ZNF521: variants seen among roughly 807,000 people sequenced by gnomAD.
The protein encoded by ZNF521 is LYST-interacting protein 3.
Under a neutral mutation model 105.5 loss-of-function variants are expected in ZNF521, and 14 were observed. The ratio of observed to expected loss-of-function variants is 0.13; its 90% confidence interval spans 0.09 to 0.21. The LOEUF (loss-of-function observed/expected upper bound fraction) is 0.21. ZNF521 is among the 10% of genes least tolerant of loss of function. The pLI is 1.00. For synonymous variants in ZNF521, 635 were observed against 606.0 expected (o/e 1.05, Z -0.70); for missense variants, 1,233 against 1,629.7 (o/e 0.76, Z 4.19).
chr18:25,117,018 CATATAT>C (rs199539757), intron 5 of ZNF521, among the ~76,000 whole-genome samples: 2 of 138,044 alleles, frequency 1.4e-5, no homozygotes, highest in Non-Finnish European at 3.1e-5. Context: ...CACACACACA[CATATAT>C]ATATACATAC....
chr18:25,205,630 A>G (rs1199500752), intron 4 of ZNF521, among the ~76,000 whole-genome samples: 1 of 152,194 alleles, frequency 6.6e-6, no homozygotes, highest in African/African-American at 2.4e-5. Flanking sequence ...ATCAAATCAC[A>G]TCACATGCCC....
intron 3 of ZNF521, among the ~76,000 whole-genome samples, chr18:25,244,786 G>T (rs1411940539): frequency 6.6e-6 from 1 of 152,208 alleles, no homozygotes; most frequent in Non-Finnish European, 1.5e-5. Context: ...GTGACTGCAA[G>T]CACTGCTGTT....
At position 25,289,151 on chromosome 18, in the gene ZNF521, T is replaced by C. The variant is rs550993667; in HGVS notation, c.220+32857A>G. Among the ~76,000 whole-genome samples, 58 of 152,306 alleles carry C rather than the reference T, an allele frequency of 3.8e-4. 1 individual carries two copies. The South Asian group carries it at 0.012, about 32-fold the overall frequency. ...TATTGCTAAATGACAAAATGAATGA[T>C]GAAATTCGGTTGCTATGCTAGAAAA... is the stretch of plus-strand genomic sequence containing the variant. On this transcript the variant is annotated intron_variant, in intron 3 of 7. Transcript: ENST00000361524.
chr18:25,108,770 G>A (rs369193962), intron 5 of ZNF521, among the ~76,000 whole-genome samples: 16 of 151,572 alleles, frequency 1.1e-4, no homozygotes, highest in African/African-American at 3.4e-4. Context: ...GACTACAGGC[G>A]TGTGTCACCA....
intron 4 of ZNF521, among the ~76,000 whole-genome samples, chr18:25,215,752 T>C (rs1217934055): frequency 1.3e-5 from 2 of 152,126 alleles, no homozygotes; most frequent in African/African-American, 4.8e-5. Context: ...GCAAATTCAA[T>C]AATGGGGGCA....
At chr18:25,095,005 C>T (rs1029993438) in intron 5 of ZNF521, among the ~76,000 whole-genome samples, 1 of 152,008 alleles carries the variant, frequency 6.6e-6, no homozygotes, top group Non-Finnish European at 1.5e-5. Context: ...TTTAACTCTT[C>T]TCTTCTAATT....
intron 5 of ZNF521, among the ~76,000 whole-genome samples, chr18:25,185,020 G>A (rs560366622): frequency 6.6e-6 from 1 of 152,220 alleles, no homozygotes; most frequent in East Asian, 1.9e-4. Flanking sequence ...AACAACTAGT[G>A]TATACAATAT....
intron 4 of ZNF521, among the ~76,000 whole-genome samples, chr18:25,197,839 G>A (rs779732533): frequency 6.6e-6 from 1 of 151,704 alleles, no homozygotes; most frequent in Non-Finnish European, 1.5e-5. Flanking sequence ...TCCCTTCCTG[G>A]TTACCTATCT....
chr18:25,120,391 T>A (rs767581914), intron 5 of ZNF521, among the ~76,000 whole-genome samples: 10 of 152,162 alleles, frequency 6.6e-5, no homozygotes, highest in Non-Finnish European at 1.3e-4. Flanking sequence ...AAGACCAGCC[T>A]GGCCAACACG....
At chr18:25,322,952 G>A (rs1359460562) in intron 2 of ZNF521, among the ~76,000 whole-genome samples, 4 of 152,134 alleles carry the variant, frequency 2.6e-5, no homozygotes, top group Non-Finnish European at 5.9e-5. Flanking sequence ...CCCTAAAAAT[G>A]ATACACAAAC....
intron 5 of ZNF521, among the ~76,000 whole-genome samples, chr18:25,168,402 A>G (rs1311561861): frequency 2.6e-5 from 4 of 152,232 alleles, no homozygotes; most frequent in African/African-American, 7.2e-5. Context: ...TCTGTATCCA[A>G]CTGAACAGTT....
Position 25,287,464 on chromosome 18 carries a change from CTG to C in ZNF521, c.220+34542_220+34543del, listed in dbSNP as rs758097019. ...AAAACATTATGTGTCCCCTGTGATT[CTG>C]TGTGTTTAAGAGCAGCGAAATGTTA... On this transcript the variant is annotated intron_variant, in intron 3 of 7. Coordinates refer to ENST00000361524, the MANE Select transcript of ZNF521 (RefSeq NM_015461.3). Among the ~76,000 whole-genome samples, 79 of 152,228 alleles carry C rather than the reference CTG, an allele frequency of 5.2e-4. 2 individuals are homozygous for C. Among genetic ancestry groups the C allele is most frequent in the Non-Finnish European group, 2.2e-4 (15 of 68,014 alleles).
chr18:25,348,576 T>C (rs1598498107), intron 2 of ZNF521, among the ~76,000 whole-genome samples: 1 of 152,172 alleles, frequency 6.6e-6, no homozygotes. Flanking sequence ...ATTCGCTCTT[T>C]TGGGAGTTGT....
chr18:25,146,541 G>GA (rs2034947376), intron 5 of ZNF521, among the ~76,000 whole-genome samples: 1 of 152,012 alleles, frequency 6.6e-6, no homozygotes, highest in Non-Finnish European at 1.5e-5. Flanking sequence ...TGGTTTCTCT[G>GA]AAAAAAGGCT....
At chr18:25,217,382 T>A (rs564168573) in intron 4 of ZNF521, among the ~76,000 whole-genome samples, 1 of 152,296 alleles carries the variant, frequency 6.6e-6, no homozygotes, top group African/African-American at 2.4e-5. Context: ...CATTCATTGA[T>A]GGATTAAACA....
intron 7 of ZNF521, among the ~76,000 whole-genome samples, chr18:25,088,964 T>G (rs2033685652): frequency 6.6e-6 from 1 of 152,224 alleles, no homozygotes; most frequent in Non-Finnish European, 1.5e-5. Context: ...AATTTTCAAC[T>G]ATAAGGCTTT....
chr18:25,110,590 A>G (rs193290753), intron 5 of ZNF521, among the ~76,000 whole-genome samples: 12 of 152,110 alleles, frequency 7.9e-5, no homozygotes, highest in Admixed American at 6.5e-4. Flanking sequence ...AAATAATTCA[A>G]TATGTCGTCA....
intron 5 of ZNF521, among the ~76,000 whole-genome samples, chr18:25,120,387 A>G (rs975021281): frequency 1.3e-5 from 2 of 152,198 alleles, no homozygotes; most frequent in African/African-American, 4.8e-5. Flanking sequence ...GTTCAAGACC[A>G]GCCTGGCCAA....
At chr18:25,339,962 T>A (rs1914104155) in intron 2 of ZNF521, among the ~76,000 whole-genome samples, 1 of 152,202 alleles carries the variant, frequency 6.6e-6, no homozygotes, top group African/African-American at 2.4e-5. Flanking sequence ...ACTAAAGGTT[T>A]GGGACATGCT....
Sources: gnomAD v4.1 joint callset for allele counts (sites outside exome capture counted in the v4.1 genomes callset) on GRCh38, gnomAD v4.1.1 for gene constraint, MANE v1.5 for transcripts, NCBI Gene and HGNC (gene_info 2026-07-23, HGNC 2026-07-21) for gene names.